The following ZC3H12B variants were observed in gnomAD, a reference collection of about 807,000 sequenced individuals.
The protein encoded by ZC3H12B is probable ribonuclease ZC3H12B.
A neutral mutation model predicts 43.9 loss-of-function variants in ZC3H12B; 7 were observed. The observed-to-expected ratio is 0.16, with a 90% CI of 0.09 to 0.30. The LOEUF (loss-of-function observed/expected upper bound fraction) is 0.30. ZC3H12B is among the 10% of genes least tolerant of loss of function. ZC3H12B has a pLI of 1.00. For synonymous variants in ZC3H12B, 222 were observed against 241.7 expected (o/e 0.92, Z 0.76); for missense variants, 475 against 670.2 (o/e 0.71, Z 3.22).
chrX:65,373,196 A>G (rs1332239684), intron 2 of ZC3H12B, among the ~76,000 whole-genome samples: 1 of 112,361 alleles, frequency 8.9e-6, no homozygotes, highest in African/African-American at 3.2e-5. Context: ...ATGAGATACC[A>G]TCTCAAACCA....
the ZC3H12B span, chrX:65,272,966 C>T: frequency 8.9e-6 from 1 of 112,257 alleles, no homozygotes; most frequent in Non-Finnish European, 1.9e-5. Context: ...GGTGTTCTGA[C>T]TTTAGCAACT....
chrX:65,045,862 G>A, the ZC3H12B span, among the ~76,000 whole-genome samples: 6 of 111,887 alleles, frequency 5.4e-5, no homozygotes, highest in Non-Finnish European at 1.1e-4. Context: ...ACCGCAGAAG[G>A]GATGTTATGT....
intron 2 of ZC3H12B, among the ~76,000 whole-genome samples, chrX:65,373,797 G>T (rs1299168153): frequency 2.2e-5 from 2 of 91,257 alleles, no homozygotes; most frequent in Non-Finnish European, 4.2e-5. Flanking sequence ...TGTAAATGAC[G>T]AGTTAATGAG....
chrX:65,387,480 T>C (rs1031635638), intron 2 of ZC3H12B, among the ~76,000 whole-genome samples: 5 of 111,950 alleles, frequency 4.5e-5, no homozygotes, highest in African/African-American at 9.7e-5. Context: ...TTTTTCTGTT[T>C]TCCATTTGCT....
At chrX:65,421,078 C>A (rs942735623) in intron 3 of ZC3H12B, among the ~76,000 whole-genome samples, 3 of 112,055 alleles carry the variant, frequency 2.7e-5, no homozygotes, top group African/African-American at 9.7e-5. Context: ...GTTTTTCCCT[C>A]CATAAGATAT....
At chrX:65,163,574 T>C in the ZC3H12B span, among the ~76,000 whole-genome samples, 26,785 of 111,160 alleles carry the variant, frequency 0.24, 7,712 homozygotes, top group African/African-American at 0.83. Flanking sequence ...CCCTCTGAGC[T>C]ATGTGCGGGA....
At chrX:65,198,370 A>T in the ZC3H12B span, among the ~76,000 whole-genome samples, 2 of 112,037 alleles carry the variant, frequency 1.8e-5, no homozygotes, top group Non-Finnish European at 3.8e-5. Context: ...TTGCTGATTA[A>T]CATCATTTTC....
the ZC3H12B span, among the ~76,000 whole-genome samples, chrX:65,353,004 C>T: frequency 6.4e-5 from 7 of 109,463 alleles, no homozygotes; most frequent in African/African-American, 1.0e-4. Context: ...CGCGCCTCCA[C>T]GCCCAGCTAA....
At chrX:65,057,920 GT>G in the ZC3H12B span, among the ~76,000 whole-genome samples, 1 of 111,927 alleles carries the variant, frequency 8.9e-6, no homozygotes, top group Non-Finnish European at 1.9e-5. Context: ...TCGTGCCATG[GT>G]TTTCAGCTCC....
At chrX:65,495,989 G>A (rs2068274059) in intron 1 of ZC3H12B, among the ~76,000 whole-genome samples, 1 of 111,640 alleles carries the variant, frequency 9.0e-6, no homozygotes, top group African/African-American at 3.3e-5. Context: ...TTACAGGCCT[G>A]AGCCATCGCA....
At chrX:65,178,963 G>A in the ZC3H12B span, among the ~76,000 whole-genome samples, 3 of 112,199 alleles carry the variant, frequency 2.7e-5, no homozygotes, top group East Asian at 5.6e-4. Context: ...GCACATGTAC[G>A]TTTATTGCAG....
the ZC3H12B span, among the ~76,000 whole-genome samples, chrX:65,133,920 C>T: frequency 2.8e-4 from 31 of 110,876 alleles, no homozygotes; most frequent in African/African-American, 9.5e-4. Context: ...GACCCATTTG[C>T]CCATTTTTTC....
At chrX:65,397,980 C>T (rs2066720629) in intron 2 of ZC3H12B, among the ~76,000 whole-genome samples, 1 of 111,619 alleles carries the variant, frequency 9.0e-6, no homozygotes, top group Admixed American at 9.5e-5. Flanking sequence ...TTTCTATATG[C>T]CCACATAGAA....
chrX:65,230,475 G>A, the ZC3H12B span, among the ~76,000 whole-genome samples: 23 of 108,430 alleles, frequency 2.1e-4, no homozygotes, highest in African/African-American at 7.8e-4. Flanking sequence ...CATGGCACAT[G>A]TATACATTTG....
At chrX:65,261,413 C>T in the ZC3H12B span, among the ~76,000 whole-genome samples, 3 of 111,005 alleles carry the variant, frequency 2.7e-5, no homozygotes, top group East Asian at 2.8e-4. Flanking sequence ...GTTATGGCAG[C>T]GTAGCATCAA....
the ZC3H12B span, among the ~76,000 whole-genome samples, chrX:65,346,952 C>T: frequency 8.9e-6 from 1 of 112,315 alleles, no homozygotes; most frequent in Admixed American, 9.4e-5. Context: ...TTGAGCTCTG[C>T]TAAGGGTCAG....
At chrX:65,093,539 C>T in the ZC3H12B span, among the ~76,000 whole-genome samples, 1 of 112,386 alleles carries the variant, frequency 8.9e-6, no homozygotes, top group Non-Finnish European at 1.9e-5. Flanking sequence ...CCACCCCTTA[C>T]ATCAGCATGC....
At chrX:65,238,377 G>A in the ZC3H12B span, among the ~76,000 whole-genome samples, 1 of 111,936 alleles carries the variant, frequency 8.9e-6, no homozygotes, top group African/African-American at 3.2e-5. Context: ...TCTATGTTAT[G>A]TGTATAGAGG....
At chrX:65,414,506 C>T (rs1243618569) in intron 3 of ZC3H12B, among the ~76,000 whole-genome samples, 1 of 111,277 alleles carries the variant, frequency 9.0e-6, no homozygotes, top group African/African-American at 3.3e-5. Context: ...TCTATCGATT[C>T]TGTCAAGGTG....
Sources: gnomAD v4.1 joint callset for allele counts (sites outside exome capture counted in the v4.1 genomes callset) on GRCh38, gnomAD v4.1.1 for gene constraint, MANE v1.5 for transcripts, NCBI Gene and HGNC (gene_info 2026-07-23, HGNC 2026-07-21) for gene names.